Variants in FER1L6 observed in about 807,000 individuals in gnomAD.
The protein encoded by FER1L6 is fer-1-like protein 6.
FER1L6 carries 177 observed loss-of-function variants against 219.2 expected under a neutral mutation model. The observed-to-expected ratio is 0.81, with a 90% confidence interval of 0.71 to 0.91. The LOEUF (loss-of-function observed/expected upper bound fraction) is 0.91, where lower values mean the gene tolerates loss of function less well. FER1L6 is among the 40% of genes least tolerant of loss of function. The probability of loss-of-function intolerance (pLI) is 0.00; values close to 1 mark genes in which losing one functional copy is unlikely to be tolerated. For synonymous variants in FER1L6, 768 were observed against 824.3 expected (o/e 0.93, Z 1.17); for missense variants, 2,153 against 2,259.9 (o/e 0.95, Z 0.96).
chr8:124,039,478 A>G (rs140004514), intron 19 of FER1L6, among the ~76,000 whole-genome samples: 332 of 152,292 alleles, frequency 2.2e-3, no homozygotes, highest in African/African-American at 7.3e-3. Flanking sequence ...GTAAAATTTG[A>G]TATTTTAGAA....
Position 123,977,582 on chromosome 8 carries a change from A to C in FER1L6, c.1036A>C (p.Ile346Leu). 1.2e-6 allele frequency: 2 copies of C among 1,614,064 alleles called. No individual in the cohort carries two copies. Among genetic ancestry groups the C allele is most frequent in the Non-Finnish European group, 1.7e-6 (2 of 1,179,970 alleles). ...LATHFIDLKK[I>L]SNEQDGDKGF... Reference sequence around the variant, plus strand: ...AACCCATTTCATTGACCTGAAGAAAATCTCCAACGAACAGGATGGAGACAA... The same window carrying C: ...AACCCATTTCATTGACCTGAAGAAACTCTCCAACGAACAGGATGGAGACAA... The change falls in exon 10 of 41, where the codon ATC (isoleucine) becomes CTC (leucine). Residue 346 changes from isoleucine (I) to leucine (L), a missense_variant. Ile to Leu is a conservative substitution (Grantham distance 5). Coordinates refer to ENST00000522917, the MANE Select transcript of FER1L6 (RefSeq NM_001039112.2).
chr8:124,096,465 C>A (rs1822295888), intron 35 of FER1L6, among the ~76,000 whole-genome samples: 1 of 152,170 alleles, frequency 6.6e-6, no homozygotes, highest in Non-Finnish European at 1.5e-5. Flanking sequence ...GCCCCATCAT[C>A]CCAACCCATA....
intron 32 of FER1L6, among the ~76,000 whole-genome samples, chr8:124,076,573 A>ATT (rs796630583): frequency 7.9e-5 from 12 of 151,922 alleles, no homozygotes; most frequent in African/African-American, 2.9e-4. Flanking sequence ...CTTTACTGTA[A>ATT]TTTTTTTCTT....
chr8:123,985,391 A>C (rs1816525340), intron 11 of FER1L6: 1 of 152,310 alleles, frequency 6.6e-6, no homozygotes, highest in Non-Finnish European at 1.5e-5. Context: ...CATGTGACTA[A>C]TCTGCTATTT....
chr8:124,077,449 A>G (rs1339303199), intron 32 of FER1L6, among the ~76,000 whole-genome samples: 1 of 152,216 alleles, frequency 6.6e-6, no homozygotes, highest in Non-Finnish European at 1.5e-5. Flanking sequence ...CTGACATTTA[A>G]TCAGCACTAG....
intron 7 of FER1L6, among the ~76,000 whole-genome samples, chr8:123,974,221 G>A (rs11989685): frequency 4.3e-4 from 65 of 152,280 alleles, no homozygotes; most frequent in African/African-American, 1.5e-3. Flanking sequence ...GCTGCGTGCA[G>A]CAGCCTGAGT....
At chr8:123,993,011 C>T (rs1816935527) in intron 12 of FER1L6, among the ~76,000 whole-genome samples, 1 of 152,102 alleles carries the variant, frequency 6.6e-6, no homozygotes, top group Non-Finnish European at 1.5e-5. Flanking sequence ...TTTGAGGATT[C>T]CTTTTGGAAT....
intron 1 of FER1L6, among the ~76,000 whole-genome samples, chr8:123,881,497 T>A (rs1216665086): frequency 1.3e-5 from 2 of 152,198 alleles, no homozygotes; most frequent in Admixed American, 6.5e-5. Flanking sequence ...TTTCCAAAAG[T>A]GAAACTCAGA....
chr8:123,856,316 G>GTGTGTGTGTGTGTGTATATA (rs71576706), intron 1 of FER1L6, among the ~76,000 whole-genome samples: 3 of 45,110 alleles, frequency 6.7e-5, no homozygotes, highest in Non-Finnish European at 9.2e-5. Context: ...ATATGTATGT[G>GTGTGTGTGTGTGTGTATATA]TATATATATA....
At chr8:124,084,477 AT>A (rs1821704586) in intron 33 of FER1L6, among the ~76,000 whole-genome samples, 1 of 152,066 alleles carries the variant, frequency 6.6e-6, no homozygotes, top group South Asian at 2.1e-4. Flanking sequence ...ATGAAGGAAT[AT>A]TGAATTTCAT....
chr8:123,858,784 G>T (rs1432550410), intron 1 of FER1L6, among the ~76,000 whole-genome samples: 1 of 152,156 alleles, frequency 6.6e-6, no homozygotes, highest in Non-Finnish European at 1.5e-5. Context: ...TTCAATCAAT[G>T]ATCAACCTTC....
At chr8:124,058,984 G>T (rs958591774) in intron 22 of FER1L6, 2 of 152,218 alleles carry the variant, frequency 1.3e-5, no homozygotes, top group South Asian at 2.1e-4. Context: ...TGTGAAAACA[G>T]AATGGTGATA....
intron 37 of FER1L6, among the ~76,000 whole-genome samples, chr8:124,100,497 A>T (rs1363946178): frequency 2.0e-5 from 3 of 152,194 alleles, no homozygotes; most frequent in African/African-American, 7.2e-5. Flanking sequence ...ATAGTAAGTG[A>T]TACAGTCAGA....
chr8:123,934,127 T>C (rs561091917), intron 1 of FER1L6, among the ~76,000 whole-genome samples: 1 of 152,342 alleles, frequency 6.6e-6, no homozygotes, highest in Admixed American at 6.5e-5. Flanking sequence ...ATACTTTTTT[T>C]TGAGACCAAG....
chr8:124,091,332 T>C, intron 33 of FER1L6, 91 bp from the exon 34 acceptor site: 5 of 1,042,196 alleles, frequency 4.8e-6, no homozygotes, highest in East Asian at 2.5e-5. Context: ...ATACACAGAA[T>C]AGCAAGTTAA....
At chr8:123,961,611 C>A (rs946633159) in intron 2 of FER1L6, among the ~76,000 whole-genome samples, 3 of 152,104 alleles carry the variant, frequency 2.0e-5, no homozygotes, top group African/African-American at 7.2e-5. Context: ...GGAATTCAAA[C>A]TGAAATGGTT....
At chr8:123,889,769 G>A (rs1812607186) in intron 1 of FER1L6, among the ~76,000 whole-genome samples, 1 of 152,052 alleles carries the variant, frequency 6.6e-6, no homozygotes, top group Non-Finnish European at 1.5e-5. Context: ...AGGAAGCAGA[G>A]GAGGGAGAGA....
chr8:124,035,391 G>T lies in FER1L6; in HGVS notation c.2401G>T (p.Glu801Ter), dbSNP rs1227983189. The T allele has an allele frequency of 1.2e-6, 2 of 1,613,978 alleles. No homozygotes were observed. The highest frequency in any genetic ancestry group is 1.7e-6 in the Non-Finnish European group (2 of 1,179,978). Residue 801 changes from glutamate to a stop codon, truncating the protein, a stop_gained, in exon 19 of 41, where the codon GAA (glutamate) becomes TAA (stop). Coordinates refer to ENST00000522917, the MANE Select transcript of FER1L6 (RefSeq NM_001039112.2). LOFTEE classifies it high-confidence loss of function. ...AILDNLPVGY[E>*]AEMSSKGAGT... ...TTTGGACAACTTGCCAGTAGGCTAT[G>T]AAGCAGAAATGTCCTCCAAAGGGGC...
intron 1 of FER1L6, among the ~76,000 whole-genome samples, chr8:123,858,811 G>C (rs1816692914): frequency 6.6e-6 from 1 of 152,182 alleles, no homozygotes; most frequent in African/African-American, 2.4e-5. Flanking sequence ...TAGGATAGTG[G>C]AAAGCCAGCT....
Sources: allele counts gnomAD v4.1 joint callset (sites outside exome capture counted in the v4.1 genomes callset), GRCh38; gene constraint gnomAD v4.1.1; transcripts MANE v1.5; gene names NCBI Gene and HGNC (gene_info 2026-07-23, HGNC 2026-07-21).